CCDC3: variants seen among roughly 807,000 people sequenced by gnomAD.
CCDC3 encodes the protein coiled-coil domain containing 3.
Under a neutral mutation model 21.4 loss-of-function variants are expected in CCDC3, and 24 were observed. That is an observed-to-expected ratio of 1.12 (90% CI 0.81 to 1.58). The LOEUF (loss-of-function observed/expected upper bound fraction) is 1.58, where lower values mean the gene tolerates loss of function less well. Among genes scored for constraint, CCDC3 ranks in the 40% most tolerant of loss-of-function variants. CCDC3 has a pLI of 0.00. For synonymous variants in CCDC3, 186 were observed against 166.0 expected (o/e 1.12, Z -0.93); for missense variants, 425 against 360.9 (o/e 1.18, Z -1.44).
At chr10:13,010,886 A>C (rs1390989264) in intron 5 of CCDC3, among the ~76,000 whole-genome samples, 1 of 152,154 alleles carries the variant, frequency 6.6e-6, no homozygotes, top group Non-Finnish European at 1.5e-5. Context: ...CTCATCTATA[A>C]AACGGTCACA....
intron 2 of CCDC3, among the ~76,000 whole-genome samples, chr10:12,940,834 T>C (rs1834817401): frequency 1.3e-5 from 2 of 152,180 alleles, no homozygotes; most frequent in Admixed American, 1.3e-4. Context: ...CCTGACAAGA[T>C]GCTGGGAAGG....
intron 5 of CCDC3, among the ~76,000 whole-genome samples, chr10:13,033,984 A>G (rs530444446): frequency 1.3e-5 from 2 of 152,324 alleles, no homozygotes; most frequent in African/African-American, 4.8e-5. Flanking sequence ...CAGCAATCCC[A>G]TTACTGGGTA....
chr10:12,898,235 G>C lies in CCDC3; in HGVS notation c.*181C>G, dbSNP rs1337800698. The C allele has an allele frequency of 1.9e-5, 14 of 736,024 alleles. No homozygotes were observed. The Admixed American group carries it at 4.1e-4, about 22-fold the overall frequency. The allele number at this position is 736,024 out of a possible 1,614,324, so 45.6% of individuals were successfully genotyped here. On this transcript the variant is annotated 3_prime_UTR_variant, in exon 3 of 3. Transcript: ENST00000378825. Reference sequence around the variant, plus strand: ...CAGGAAGGGGCAGCGCGTGGGGTCTGACATTGAGGCCAGCACCCAAGGGGA... The same window carrying C: ...CAGGAAGGGGCAGCGCGTGGGGTCTCACATTGAGGCCAGCACCCAAGGGGA...
At chr10:12,972,806 G>A (rs1254187053) in intron 2 of CCDC3, among the ~76,000 whole-genome samples, 1 of 148,944 alleles carries the variant, frequency 6.7e-6, no homozygotes, top group African/African-American at 2.5e-5. Flanking sequence ...AAAAGAATGA[G>A]ACTCTGTCTC....
At chr10:12,923,732 C>G (rs1339387294) in intron 2 of CCDC3, among the ~76,000 whole-genome samples, 1 of 152,222 alleles carries the variant, frequency 6.6e-6, no homozygotes, top group Non-Finnish European at 1.5e-5. Context: ...TGACTCCGGT[C>G]TGTGTCCCTC....
chr10:13,000,875 C>T (rs1835838540), intron 1 of CCDC3, among the ~76,000 whole-genome samples: 1 of 152,190 alleles, frequency 6.6e-6, no homozygotes, highest in Non-Finnish European at 1.5e-5. Context: ...CAATCTACTC[C>T]CACTGAGGCC....
intron 5 of CCDC3, among the ~76,000 whole-genome samples, chr10:13,020,365 C>A (rs1022754381): frequency 6.6e-6 from 1 of 152,176 alleles, no homozygotes; most frequent in Non-Finnish European, 1.5e-5. Flanking sequence ...GAACAGTTAG[C>A]GCGGTTTAGC....
At chr10:12,967,291 A>G (rs1835275686) in intron 2 of CCDC3, among the ~76,000 whole-genome samples, 1 of 152,214 alleles carries the variant, frequency 6.6e-6, no homozygotes, top group Non-Finnish European at 1.5e-5. Context: ...AACAAATAAT[A>G]TATCATATTC....
intron 2 of CCDC3, among the ~76,000 whole-genome samples, chr10:12,983,132 A>G (rs1835529819): frequency 1.2e-4 from 1 of 8,616 alleles, no homozygotes; most frequent in East Asian, 3.5e-3. Context: ...AAAATAGTGT[A>G]TATATATATA....
At chr10:12,990,628 A>G (rs1835667059) in intron 2 of CCDC3, among the ~76,000 whole-genome samples, 1 of 152,216 alleles carries the variant, frequency 6.6e-6, no homozygotes, top group Non-Finnish European at 1.5e-5. Flanking sequence ...GAATTTTAAG[A>G]AAGTTGCCAC....
At chr10:12,927,583 G>T (rs547116122) in intron 2 of CCDC3, among the ~76,000 whole-genome samples, 3 of 143,946 alleles carry the variant, frequency 2.1e-5, no homozygotes, top group East Asian at 3.9e-4. Flanking sequence ...GCTACAAATG[G>T]CAAAAAAAAA....
At position 13,000,070 on chromosome 10, in the gene CCDC3, C is replaced by A. The variant is rs932814219; in HGVS notation, c.374+1127G>T. Among the ~76,000 whole-genome samples, 3 of 152,214 alleles carry A rather than the reference C, an allele frequency of 2.0e-5. No homozygotes were observed. The South Asian group carries it at 6.2e-4, about 32-fold the overall frequency. On this transcript the variant is annotated intron_variant, in intron 1 of 2. Coordinates refer to ENST00000378825, the MANE Select transcript of CCDC3 (RefSeq NM_031455.4). ...CACTTACAAACACCACTTTGTAGAA[C>A]TGTTTTCTTTCTCAGAGAAATGCGA...
At chr10:12,944,315 C>T (rs1370110757) in intron 2 of CCDC3, among the ~76,000 whole-genome samples, 3 of 152,162 alleles carry the variant, frequency 2.0e-5, no homozygotes, top group Non-Finnish European at 4.4e-5. Context: ...GCTTCATCTA[C>T]GTGACAAGAA....
At chr10:13,012,964 AT>A (rs1340261262) in intron 5 of CCDC3, among the ~76,000 whole-genome samples, 3 of 152,242 alleles carry the variant, frequency 2.0e-5, no homozygotes, top group Non-Finnish European at 4.4e-5. Context: ...TGCCGAAAAA[AT>A]AAAGAAAAAC....
intron 2 of CCDC3, among the ~76,000 whole-genome samples, chr10:12,909,415 C>T (rs377356085): frequency 6.6e-6 from 1 of 152,204 alleles, no homozygotes; most frequent in Non-Finnish European, 1.5e-5. Context: ...GCCAGTGGGG[C>T]ACCCGGGGGC....
intron 5 of CCDC3, among the ~76,000 whole-genome samples, chr10:13,019,306 T>G (rs548573630): frequency 1.3e-5 from 2 of 152,366 alleles, no homozygotes; most frequent in African/African-American, 4.8e-5. Context: ...TTATGTTTAC[T>G]ATGAAAGCAC....
At chr10:13,018,728 C>T (rs1836104181) in intron 5 of CCDC3, among the ~76,000 whole-genome samples, 1 of 149,004 alleles carries the variant, frequency 6.7e-6, no homozygotes, top group South Asian at 2.1e-4. Context: ...TTCAGGAGTT[C>T]GAGACCAGCC....
At chr10:12,948,392 G>A (rs1163875387) in intron 2 of CCDC3, among the ~76,000 whole-genome samples, 1 of 152,062 alleles carries the variant, frequency 6.6e-6, no homozygotes, top group Non-Finnish European at 1.5e-5. Flanking sequence ...ATATGGAGGA[G>A]ACCAGGGCCT....
intron 2 of CCDC3, among the ~76,000 whole-genome samples, chr10:12,942,387 C>T (rs1210986143): frequency 6.6e-6 from 1 of 152,112 alleles, no homozygotes; most frequent in Non-Finnish European, 1.5e-5. Flanking sequence ...GGCAAAGTTT[C>T]CCTTTTAATA....
Sources: allele counts gnomAD v4.1 joint callset (sites outside exome capture counted in the v4.1 genomes callset), GRCh38; gene constraint gnomAD v4.1.1; transcripts MANE v1.5; gene names NCBI Gene and HGNC (gene_info 2026-07-23, HGNC 2026-07-21).